Variants in MCTP1 observed in about 807,000 individuals in gnomAD.
MCTP1 encodes the protein multiple C2 and transmembrane domain containing 1.
MCTP1 carries 69 observed loss-of-function variants against 120.6 expected under a neutral mutation model. The ratio of observed to expected loss-of-function variants is 0.57; its 90% CI spans 0.47 to 0.70. The LOEUF (loss-of-function observed/expected upper bound fraction) is 0.70. Among genes scored for constraint, MCTP1 ranks in the 30% least tolerant of loss-of-function variants. The pLI, the probability that MCTP1 is intolerant of heterozygous loss-of-function variation, is 0.00. For missense variants in MCTP1, 1,203 were observed against 1,248.8 expected, an observed-to-expected ratio of 0.96 and a Z score of 0.55; for synonymous variants, 529 against 493.1, an observed-to-expected ratio of 1.07 and a Z score of -0.96.
intron 1 of MCTP1, among the ~76,000 whole-genome samples, chr5:95,106,787 T>C (rs1757117438): frequency 6.6e-6 from 1 of 152,210 alleles, no homozygotes; most frequent in Non-Finnish European, 1.5e-5. Context: ...TTTGAAAGCA[T>C]GGTTCACAGA....
chr5:94,737,074 G>C (rs1441123108), intron 19 of MCTP1, among the ~76,000 whole-genome samples: 2 of 152,162 alleles, frequency 1.3e-5, no homozygotes, highest in Non-Finnish European at 1.5e-5. Context: ...CCACAGCCCT[G>C]ACCTCCTGGG....
chr5:94,755,514 C>G (rs979130771), intron 19 of MCTP1, among the ~76,000 whole-genome samples: 2 of 152,226 alleles, frequency 1.3e-5, no homozygotes, highest in Non-Finnish European at 2.9e-5. Flanking sequence ...ACTAGGGAAA[C>G]TCCGAGGACC....
At chr5:94,932,811 G>A (rs1815141618) in intron 5 of MCTP1, among the ~76,000 whole-genome samples, 1 of 151,884 alleles carries the variant, frequency 6.6e-6, no homozygotes, top group Non-Finnish European at 1.5e-5. Context: ...AATATTCAGG[G>A]CAAGGAATAT....
intron 3 of MCTP1, among the ~76,000 whole-genome samples, chr5:94,946,318 GT>G (rs933693812): frequency 6.6e-6 from 1 of 152,032 alleles, no homozygotes; most frequent in African/African-American, 2.4e-5. Context: ...TACTGAATCC[GT>G]TCCAGATGGG....
At chr5:95,207,321 T>C (rs1404892418) in intron 1 of MCTP1, among the ~76,000 whole-genome samples, 1 of 152,128 alleles carries the variant, frequency 6.6e-6, no homozygotes, top group African/African-American at 2.4e-5. Context: ...GGGACATGAG[T>C]GTTTGATAAC....
intron 18 of MCTP1, among the ~76,000 whole-genome samples, chr5:94,798,294 A>T (rs559247119): frequency 6.6e-6 from 1 of 152,290 alleles, no homozygotes; most frequent in Non-Finnish European, 1.5e-5. Context: ...GTGATAGACA[A>T]TCCAAGGGGA....
chr5:95,267,415 CA>C (rs1479299966), intron 1 of MCTP1, among the ~76,000 whole-genome samples: 1 of 152,218 alleles, frequency 6.6e-6, no homozygotes, highest in Non-Finnish European at 1.5e-5. Flanking sequence ...CTCCCCTGAG[CA>C]CTGATAATGA....
chr5:95,172,428 C>T (rs1013092281), intron 1 of MCTP1, among the ~76,000 whole-genome samples: 5 of 152,208 alleles, frequency 3.3e-5, no homozygotes, highest in Admixed American at 1.3e-4. Flanking sequence ...CTACTCTCTT[C>T]AAAGCTGTCA....
At position 95,124,127 on chromosome 5, in the gene MCTP1, G is replaced by A. The variant is rs187983320; in HGVS notation, c.721-106643C>T. ...CCTGAGAGATGCCACAAAGGCCCCA[G>A]CTGACTAAGACCTTTATCCATCCAG... is the stretch of plus-strand genomic sequence containing the variant. On this transcript the variant is annotated intron_variant, in intron 1 of 22. Coordinates refer to ENST00000515393, the MANE Select transcript of MCTP1 (RefSeq NM_024717.7). Among the ~76,000 whole-genome samples, 210 of 152,326 alleles carry A rather than the reference G, an allele frequency of 1.4e-3. 1 individual carries two copies. The highest frequency in any genetic ancestry group is 3.9e-3 in the African/African-American group (161 of 41,572).
chr5:94,954,779 C>A (rs1822132259), intron 2 of MCTP1, among the ~76,000 whole-genome samples: 1 of 152,124 alleles, frequency 6.6e-6, no homozygotes, highest in African/African-American at 2.4e-5. Context: ...GGCTTCATTT[C>A]ATCCTTGGTC....
chr5:94,833,888 A>G (rs1285987249), intron 17 of MCTP1, among the ~76,000 whole-genome samples: 1 of 152,238 alleles, frequency 6.6e-6, no homozygotes, highest in Admixed American at 6.5e-5. Flanking sequence ...TTTATCAAGA[A>G]AAGAGAGAAC....
chr5:94,832,783 C>T (rs1445497725), intron 17 of MCTP1, among the ~76,000 whole-genome samples: 2 of 152,168 alleles, frequency 1.3e-5, no homozygotes, highest in Non-Finnish European at 2.9e-5. Flanking sequence ...CAATTTTTGA[C>T]ACATCATTAA....
intron 8 of MCTP1, among the ~76,000 whole-genome samples, chr5:94,914,839 C>T (rs189515795): frequency 6.6e-6 from 1 of 152,176 alleles, no homozygotes; most frequent in Admixed American, 6.5e-5. Flanking sequence ...GAATTTGTTG[C>T]GCCCAGTTAT....
At chr5:94,982,637 C>G (rs1331829230) in intron 2 of MCTP1, among the ~76,000 whole-genome samples, 1 of 151,756 alleles carries the variant, frequency 6.6e-6, no homozygotes, top group Non-Finnish European at 1.5e-5. Flanking sequence ...ACCTGTAATC[C>G]CAGCACTTTG....
chr5:95,126,534 G>GT (rs1049091266), intron 1 of MCTP1, among the ~76,000 whole-genome samples: 44 of 152,082 alleles, frequency 2.9e-4, no homozygotes, highest in Non-Finnish European at 5.0e-4. Context: ...TCCAAAATCA[G>GT]TTTTTTTAGA....
intron 2 of MCTP1, among the ~76,000 whole-genome samples, chr5:94,966,405 T>G (rs1003636740): frequency 1.3e-5 from 2 of 152,232 alleles, no homozygotes; most frequent in Non-Finnish European, 2.9e-5. Context: ...ATACTTTTGT[T>G]TAATCACCAC....
chr5:94,789,403 T>C (rs1485123246), intron 18 of MCTP1: 1 of 152,370 alleles, frequency 6.6e-6, no homozygotes, highest in East Asian at 1.9e-4. Flanking sequence ...CATCTTTCTC[T>C]ATTTGAACTG....
At chr5:95,172,850 T>G (rs984598569) in intron 1 of MCTP1, among the ~76,000 whole-genome samples, 3 of 152,158 alleles carry the variant, frequency 2.0e-5, no homozygotes, top group African/African-American at 7.2e-5. Flanking sequence ...TCCAAGAGCT[T>G]AGGAATGCAA....
chr5:95,009,606 G>C (rs1000911966), intron 2 of MCTP1, among the ~76,000 whole-genome samples: 2 of 151,140 alleles, frequency 1.3e-5, no homozygotes, highest in African/African-American at 4.9e-5. Flanking sequence ...ATATATAAAA[G>C]ATAATACATT....
Sources: allele counts gnomAD v4.1 joint callset (sites outside exome capture counted in the v4.1 genomes callset), GRCh38; gene constraint gnomAD v4.1.1; transcripts MANE v1.5; gene names NCBI Gene and HGNC (gene_info 2026-07-23, HGNC 2026-07-21).